Variants in DEFB121 observed in about 807,000 individuals in gnomAD.
The protein encoded by DEFB121 is beta-defensin 121.
A neutral mutation model predicts 2.5 loss-of-function variants in DEFB121; 5 were observed. The observed-to-expected ratio is 1.96, with a 90% CI of 1.03 to 4.13. The LOEUF (loss-of-function observed/expected upper bound fraction) is 4.13. DEFB121 is among the 30% of genes most tolerant of loss of function. DEFB121 has a pLI of 0.00. For missense variants in DEFB121, 87 were observed against 85.0 expected, an observed-to-expected ratio of 1.02 and a Z score of -0.09; for synonymous variants, 39 against 32.6, an observed-to-expected ratio of 1.20 and a Z score of -0.67.
upstream of DEFB121, among the ~76,000 whole-genome samples, chr20:31,406,799 T>A (rs1978495780): frequency 6.6e-6 from 1 of 152,160 alleles, no homozygotes; most frequent in South Asian, 2.1e-4. Context: ...TGGTCTTTTT[T>A]TTATTATTAC....
At chr20:31,410,715 G>C (rs1766306552), upstream of DEFB121, among the ~76,000 whole-genome samples, 2 of 152,050 alleles carry the variant, frequency 1.3e-5, no homozygotes, top group Admixed American at 1.3e-4. Context: ...ACTGCAGAGA[G>C]GAAACCTGAG....
upstream of DEFB121, among the ~76,000 whole-genome samples, chr20:31,407,094 C>G (rs1381306150): frequency 6.6e-6 from 1 of 151,968 alleles, no homozygotes; most frequent in African/African-American, 2.4e-5. Context: ...AAAAAAAATA[C>G]AAAAAATTAG....
upstream of DEFB121, among the ~76,000 whole-genome samples, chr20:31,413,487 C>G (rs1978717956): frequency 6.6e-6 from 1 of 152,156 alleles, no homozygotes; most frequent in East Asian, 1.9e-4. Context: ...CTTCTAAGAA[C>G]AGAGGTCTGT....
chr20:31,412,525 A>T, intron 1 of DEFB121: 1 of 879,568 alleles, frequency 1.1e-6, no homozygotes, highest in Non-Finnish European at 1.6e-6. Context: ...TGTGAAGATT[A>T]AATTAGGTGA....
chr20:31,412,594 G>A (rs1345582653), intron 1 of DEFB121: 2 of 1,289,532 alleles, frequency 1.6e-6, no homozygotes. Flanking sequence ...ACAACTGGTA[G>A]TTACTGTTAT....
chr20:31,418,279 A>AAAAAAAAG, the DEFB121 span, among the ~76,000 whole-genome samples: 1 of 139,496 alleles, frequency 7.2e-6, no homozygotes, highest in Non-Finnish European at 1.6e-5. Context: ...AAAAAAAAAA[A>AAAAAAAAG]AAAGAAAAAA....
chr20:31,407,252 A>AAAAG (rs544856085), upstream of DEFB121, among the ~76,000 whole-genome samples: 13 of 152,268 alleles, frequency 8.5e-5, no homozygotes, highest in South Asian at 2.1e-3. Flanking sequence ...TCTGTCTCAA[A>AAAAG]AAAGAAAGAA....
At chr20:31,416,623 C>A (rs567597747), upstream of DEFB121, among the ~76,000 whole-genome samples, 1 of 152,260 alleles carries the variant, frequency 6.6e-6, no homozygotes, top group South Asian at 2.1e-4. Context: ...TAAAGCTCTT[C>A]CAGCAATGGA....
chr20:31,416,832 GGTCTTTTT>G (rs932156455), upstream of DEFB121, among the ~76,000 whole-genome samples: 1 of 152,018 alleles, frequency 6.6e-6, no homozygotes, highest in Non-Finnish European at 1.5e-5. Context: ...GGGTCTATTT[GGTCTTTTT>G]TTTCCTAGGC....
upstream of DEFB121, among the ~76,000 whole-genome samples, chr20:31,407,349 T>G (rs563310062): frequency 6.6e-6 from 1 of 152,378 alleles, no homozygotes; most frequent in East Asian, 1.9e-4. Flanking sequence ...AGGAGAACTC[T>G]ATTTCATTTT....
At chr20:31,416,675 G>A (rs973071195), upstream of DEFB121, among the ~76,000 whole-genome samples, 33 of 152,080 alleles carry the variant, frequency 2.2e-4, no homozygotes, top group Non-Finnish European at 3.4e-4. Context: ...ATCACTGGAC[G>A]CCTCTAATTT....
chr20:31,405,157 T>C, intron 1 of DEFB121, 72 bp from the exon 2 acceptor site: 2 of 1,456,046 alleles, frequency 1.4e-6, no homozygotes, highest in African/African-American at 1.4e-5. Flanking sequence ...AGGAAGAGGC[T>C]AAAGCCCAGT....
chr20:31,409,238 C>A (rs987612790), upstream of DEFB121, among the ~76,000 whole-genome samples: 6 of 152,126 alleles, frequency 3.9e-5, no homozygotes, highest in African/African-American at 1.4e-4. Context: ...ATCATACAAC[C>A]AAACAACTCC....
Position 31,406,120 on chromosome 20 carries a change from A to G in DEFB121, c.33T>C (p.Thr11=), listed in dbSNP as rs756494994. The part of the protein sequence containing the change: MKLLLLLLTV[T]LLLAQVTPVM... ...CTGGGGTGACCTGGGCCAGGAGCAG[A>G]GTAACAGTCAAAAGCAGAAGAAGGA... is the stretch of plus-strand genomic sequence containing the variant. Residue 11 remains threonine (T), a synonymous_variant, in exon 1 of 2, where the codon ACT becomes ACC. Coordinates refer to ENST00000376314, the MANE Select transcript of DEFB121 (RefSeq NM_001011878.3). The G allele has an allele frequency of 1.1e-5, 17 of 1,614,040 alleles. No homozygotes were observed. The highest frequency in any genetic ancestry group is 1.4e-5 in the Non-Finnish European group (17 of 1,180,002).
In DEFB121 at chr20:31,405,044, A is replaced by C; in HGVS notation, c.100T>G (p.Cys34Gly). 2 of 1,610,730 alleles carry C rather than the reference A, an allele frequency of 1.2e-6. No individual in the cohort carries two copies. The highest frequency in any genetic ancestry group is 1.7e-6 in the Non-Finnish European group (2 of 1,179,212). Residue 34 changes from cysteine (C) to glycine (G), a missense_variant, in exon 2 of 2, where the codon TGT becomes GGT. Transcript: ENST00000376314. The stretch of plus-strand genomic sequence containing the variant: ...ATATAGTATACTTCACTTTCTTTAC[A>C]TGTTGTTCTGCACCTGCCTGACTTG... ...WGKSGRCRTT[C>G]KESEVYYILC...
chr20:31,405,185 A>G (rs1978437127), intron 1 of DEFB121, 100 bp from the exon 2 acceptor site: 1 of 1,189,674 alleles, frequency 8.4e-7, no homozygotes, highest in Non-Finnish European at 1.2e-6. Context: ...TAGGAGGGAA[A>G]TGAGGAGGTC....
chr20:31,410,823 T>TGAGAGAGAGA (rs72164704), upstream of DEFB121, among the ~76,000 whole-genome samples: 3,565 of 135,946 alleles, frequency 0.026, 50 homozygotes, highest in African/African-American at 0.042. Flanking sequence ...CCTTGAAAAA[T>TGAGAGAGAGA]GAGAGAGAGA....
At chr20:31,407,891 C>A (rs1391900845), upstream of DEFB121, among the ~76,000 whole-genome samples, 1 of 152,210 alleles carries the variant, frequency 6.6e-6, no homozygotes, top group Non-Finnish European at 1.5e-5. Flanking sequence ...AGTTCTCCTG[C>A]CTTAGCCCCC....
chr20:31,410,072 C>A (rs1173148485), upstream of DEFB121, among the ~76,000 whole-genome samples: 1 of 152,014 alleles, frequency 6.6e-6, no homozygotes, highest in Non-Finnish European at 1.5e-5. Context: ...AAAACCTGTG[C>A]AAATAGTTTT....
Sources: gnomAD v4.1 joint callset for allele counts (sites outside exome capture counted in the v4.1 genomes callset) on GRCh38, gnomAD v4.1.1 for gene constraint, MANE v1.5 for transcripts, NCBI Gene and HGNC (gene_info 2026-07-23, HGNC 2026-07-21) for gene names.